Variants in ZC3H12A observed in about 807,000 individuals in gnomAD.
ZC3H12A encodes the protein zinc finger CCCH-type containing 12A.
In ZC3H12A, 9 loss-of-function variants were observed where a neutral mutation model predicts 29.9. The observed-to-expected ratio is 0.30, with a 90% CI of 0.18 to 0.53. ZC3H12A has a LOEUF of 0.53. ZC3H12A is among the 20% of genes least tolerant of loss of function. ZC3H12A has a pLI of 0.96. For missense variants in ZC3H12A, 617 were observed against 799.0 expected, an observed-to-expected ratio of 0.77 and a Z score of 2.75; for synonymous variants, 323 against 338.1, an observed-to-expected ratio of 0.96 and a Z score of 0.49.
rs1641708947 is a variant in ZC3H12A at position 37,481,672 on chromosome 1, A to C, written c.655A>C (p.Lys219Gln). ...CACACCATCACGACGCGTGGGTGGC[A>C]AGCGGGTGGTGTGCTATGACGACAG... ...VFTPSRRVGGKRVVCYDDRFI... is the reference protein window; with the variant it reads ...VFTPSRRVGGQRVVCYDDRFI... Residue 219 changes from lysine (K) to glutamine (Q), a missense_variant, in exon 4 of 6, where the codon AAG becomes CAG. By Grantham distance (53) the Lys-to-Gln change is moderately conservative. Around this residue, in one of 5 missense-constraint regions of ZC3H12A, gnomAD observed 255 missense variants for 402.5 expected, o/e 0.63. Coordinates refer to ENST00000373087, the MANE Select transcript of ZC3H12A (RefSeq NM_025079.3). 6.2e-7 allele frequency: 1 copy of C among 1,614,124 alleles called. No homozygotes were observed. The highest frequency in any genetic ancestry group is 1.7e-5 in the Admixed American group (1 of 60,012).
At chr1:37,474,705 C>CGAGGGGAGGGGAGGGGACGG (rs1361342115) in intron 1 of ZC3H12A, 76 bp downstream of exon 1, 1 of 138,162 alleles carries the variant, frequency 7.2e-6, no homozygotes, top group African/African-American at 2.7e-5. Flanking sequence ...CGAGCCGAGC[C>CGAGGGGAGGGGAGGGGACGG]GAGGGGAGGG....
chr1:37,481,494 T>G, intron 3 of ZC3H12A, 107 bp from the exon 4 acceptor site: 1 of 1,084,214 alleles, frequency 9.2e-7, no homozygotes, highest in East Asian at 2.4e-5. Flanking sequence ...CCCGGTGACC[T>G]TGGCGTTAAC....
rs1213887023 is a variant in ZC3H12A, at chr1:37,484,028, G to A, written c.*417G>A. 6 of 175,818 alleles carry A rather than the reference G, an allele frequency of 3.4e-5. No individual in the cohort carries two copies. The highest frequency in any genetic ancestry group is 1.2e-5 in the Non-Finnish European group (1 of 82,266). The allele number at this position is 175,818 out of a possible 1,614,324, so 10.9% of individuals were successfully genotyped here. A position where few individuals can be genotyped will look rare whatever the true frequency, so the allele number is the denominator to read the frequency against. On this transcript the variant is annotated 3_prime_UTR_variant, in exon 6 of 6. Transcript: ENST00000373087. Reference sequence around the variant, plus strand: ...ACCCCTGGGACGTTGGCCTTGGCTGGCTAGTTGGGCACCGTGTGCCTGCCC... The same window carrying A: ...ACCCCTGGGACGTTGGCCTTGGCTGACTAGTTGGGCACCGTGTGCCTGCCC...
rs751349648 is a variant in ZC3H12A, at chr1:37,482,560, C to T, written c.925+20C>T. 4 of 1,612,768 alleles carry T rather than the reference C, an allele frequency of 2.5e-6. No individual in the cohort carries two copies. Among genetic ancestry groups the T allele is most frequent in the Non-Finnish European group, 3.4e-6 (4 of 1,178,808 alleles). ...CCTATGGTATGGAACCCAGCCTGCC[C>T]TCCCCGGCCCTCCTCACTCCTGCCC... On this transcript the variant is annotated intron_variant, in intron 5 of 5. Transcript: ENST00000373087.
intron 3 of ZC3H12A, among the ~76,000 whole-genome samples, chr1:37,481,233 G>C (rs1305660248): frequency 1.3e-5 from 2 of 152,240 alleles, no homozygotes; most frequent in African/African-American, 4.8e-5. Flanking sequence ...TCCCACCCCA[G>C]AGCAAGCTGC....
In ZC3H12A at chr1:37,479,481, G is replaced by A. The variant is rs1313715621; in HGVS notation, c.444-809G>A. ...CGTCTGAGACCAAGGCAGGGCCCAT[G>A]CCTTACTCAGCTGTCCTTGCTAAGA... On this transcript the variant is annotated intron_variant, in intron 2 of 5. Coordinates refer to ENST00000373087, the MANE Select transcript of ZC3H12A (RefSeq NM_025079.3). The surrounding 1 kb of genome is among the most constrained non-coding windows in gnomAD (Gnocchi z 4.5). The A allele has an allele frequency of 3.0e-6, 3 of 985,328 alleles. No individual in the cohort carries two copies. The highest frequency in any genetic ancestry group is 3.6e-6 in the Non-Finnish European group (3 of 829,930). The allele number at this position is 985,328 out of a possible 1,614,324, so 61.0% of individuals were successfully genotyped here. A position where few individuals can be genotyped will look rare whatever the true frequency, so the allele number is the denominator to read the frequency against.
rs1641667644 is a variant in ZC3H12A at position 37,479,906 on chromosome 1, C to T, written c.444-384C>T. The T allele has an allele frequency of 9.9e-7, 1 of 1,014,208 alleles. No individual in the cohort carries two copies. The highest frequency in any genetic ancestry group is 1.2e-6 in the Non-Finnish European group (1 of 847,362). 62.8% of individuals were successfully genotyped at this position (1,014,208 alleles called of 1,614,324 possible). On this transcript the variant is annotated intron_variant, in intron 2 of 5. Coordinates refer to ENST00000373087, the MANE Select transcript of ZC3H12A (RefSeq NM_025079.3). The surrounding 1 kb of genome is among the most constrained non-coding windows in gnomAD (Gnocchi z 4.5). ...GGGGCAGGAACCAGAAGTCTCGCGG[C>T]ACCTTTCCCCCACCCCCAGGTGTGT... is the stretch of plus-strand genomic sequence containing the variant.
In ZC3H12A at chr1:37,483,222, T is replaced by C. The variant is rs375616060; in HGVS notation, c.1411T>C (p.Tyr471His). 44 of 1,613,596 alleles carry C rather than the reference T, an allele frequency of 2.7e-5. No individual in the cohort carries two copies. Among genetic ancestry groups the C allele is most frequent in the Non-Finnish European group, 3.6e-5 (43 of 1,179,934 alleles). Residue 471 changes from tyrosine to histidine, a missense_variant, in exon 6 of 6, where the codon TAC becomes CAC. By Grantham distance (83) the Tyr-to-His change is moderately conservative. Coordinates refer to ENST00000373087, the MANE Select transcript of ZC3H12A (RefSeq NM_025079.3). The part of the protein sequence containing the change: ...PGPPRAPYTG[Y>H]SPYGSELPAT... ...CCCACCCCGAGCCCCTTACACGGGCTACAGTCCCTATGGATCTGAGCTCCC... is the reference window on the plus strand; with the variant it reads ...CCCACCCCGAGCCCCTTACACGGGCCACAGTCCCTATGGATCTGAGCTCCC...
Position 37,475,366 on chromosome 1 carries a change from G to A in ZC3H12A, c.-38-93G>A. On this transcript the variant is annotated intron_variant, in intron 1 of 5. Transcript: ENST00000373087. The surrounding 1 kb of genome is among the most constrained non-coding windows in gnomAD (Gnocchi z 5.2). ...AACTAATAACACGATGCAGTGTGTA[G>A]TGCCACCAATCCCTCATCCTGCTGG... 1.0e-6 allele frequency: 1 copy of A among 985,768 alleles called. No individual in the cohort carries two copies. 61.1% of individuals were successfully genotyped at this position (985,768 alleles called of 1,614,324 possible). A position where few individuals can be genotyped will look rare whatever the true frequency, so the allele number is the denominator to read the frequency against.
rs1449512932 is a variant in ZC3H12A, at chr1:37,479,572, T to C, written c.444-718T>C. ...GAAGAGGCATTTGGGGGAATTGCCA[T>C]CTTGGGAGGAAAAGCAGTATCCTTT... On this transcript the variant is annotated intron_variant, in intron 2 of 5. Coordinates refer to ENST00000373087, the MANE Select transcript of ZC3H12A (RefSeq NM_025079.3). This position sits in a 1 kb window ranked among gnomAD's most constrained non-coding sequence, Gnocchi z 4.5. 14 of 985,408 alleles carry C rather than the reference T, an allele frequency of 1.4e-5. No homozygotes were observed. Among genetic ancestry groups the C allele is most frequent in the Non-Finnish European group, 1.6e-5 (13 of 829,928 alleles). 61.0% of individuals were successfully genotyped at this position (985,408 alleles called of 1,614,324 possible). A position where few individuals can be genotyped will look rare whatever the true frequency, so the allele number is the denominator to read the frequency against.
rs945792063 is a variant in ZC3H12A at position 37,478,323 on chromosome 1, C to T, written c.444-1967C>T. Among the ~76,000 whole-genome samples the T allele has an allele frequency of 6.6e-6, 1 of 152,216 alleles. No homozygotes were observed. The highest frequency in any genetic ancestry group is 2.4e-5 in the African/African-American group (1 of 41,442). The stretch of plus-strand genomic sequence containing the variant: ...TGCCAGCAGCATTGTTTCTCCCGTT[C>T]GCCACCTGTCTCTCATAACACACTT... On this transcript the variant is annotated intron_variant, in intron 2 of 5. Coordinates refer to ENST00000373087, the MANE Select transcript of ZC3H12A (RefSeq NM_025079.3). The surrounding 1 kb of genome is among the most constrained non-coding windows in gnomAD (Gnocchi z 5.2).
In ZC3H12A at chr1:37,482,520, G is replaced by A. The variant is rs747380200; in HGVS notation, c.905G>A (p.Arg302Lys). Residue 302 changes from arginine (R) to lysine (K), a missense_variant, in exon 5 of 6, where the codon AGG becomes AAG. Physicochemically the swap from Arg to Lys is conservative, Grantham distance 26. This residue lies in a region of ZC3H12A where 255 missense variants were observed against 402.5 expected (regional missense o/e 0.63). Transcript: ENST00000373087. ...AAGAAGCCACTCACTTTGGAGCACA[G>A]GAAGCAGCCGTGTCCCTATGGTATG... ...LRKKPLTLEH[R>K]KQPCPYGRKC... 5 of 1,614,104 alleles carry A rather than the reference G, an allele frequency of 3.1e-6. No individual in the cohort carries two copies. Among genetic ancestry groups the A allele is most frequent in the Non-Finnish European group, 4.2e-6 (5 of 1,180,006 alleles).
chr1:37,480,145 G>A (rs1054191044), intron 2 of ZC3H12A, 145 bp from the exon 3 acceptor site: 18 of 1,391,874 alleles, frequency 1.3e-5, no homozygotes, highest in Non-Finnish European at 1.6e-5. Flanking sequence ...GAAGGGGCTG[G>A]TGACTCCAAA....
chr1:37,481,420 A>G (rs1161525736), intron 3 of ZC3H12A, among the ~76,000 whole-genome samples, 181 bp from the exon 4 acceptor site: 1 of 150,936 alleles, frequency 6.6e-6, no homozygotes, highest in Non-Finnish European at 1.5e-5. Flanking sequence ...TTCAGGCAGC[A>G]AACTGTGCCA....
chr1:37,475,604 A>G lies in ZC3H12A; in HGVS notation c.108A>G (p.Gln36=). 6.2e-7 allele frequency: 1 copy of G among 1,614,098 alleles called. No homozygotes were observed. The highest frequency in any genetic ancestry group is 8.5e-7 in the Non-Finnish European group (1 of 1,180,054). ...GTCAGGGCACCCCAAGGCCGGGTCA[A>G]GAGCTGGCCGCTGAGGAGGCCTCGG... The part of the protein sequence containing the change: ...HSRQGTPRPG[Q]ELAAEEASAL... Residue 36 remains glutamine (Q), a synonymous_variant, in exon 2 of 6, where the codon CAA becomes CAG. Coordinates refer to ENST00000373087, the MANE Select transcript of ZC3H12A (RefSeq NM_025079.3). The surrounding 1 kb of genome is among the most constrained non-coding windows in gnomAD (Gnocchi z 5.2).
At position 37,477,479 on chromosome 1, in the gene ZC3H12A, G is replaced by C. The variant is rs535537450; in HGVS notation, c.443+1540G>C. Among the ~76,000 whole-genome samples, 411 of 152,180 alleles carry C rather than the reference G, an allele frequency of 2.7e-3. 2 individuals carry two copies. Among genetic ancestry groups the C allele is most frequent in the African/African-American group, 7.1e-3 (297 of 41,544 alleles). On this transcript the variant is annotated intron_variant, in intron 2 of 5. Coordinates refer to ENST00000373087, the MANE Select transcript of ZC3H12A (RefSeq NM_025079.3). ...CTCAGCTGCTACTCGGTTCCTGCCCGGCCACCCCCCCTCCCCAGGGGCAGG... is the reference window on the plus strand; with the variant it reads ...CTCAGCTGCTACTCGGTTCCTGCCCCGCCACCCCCCCTCCCCAGGGGCAGG...
chr1:37,477,858 G>T (rs1297388216), intron 2 of ZC3H12A, among the ~76,000 whole-genome samples: 1 of 152,212 alleles, frequency 6.6e-6, no homozygotes, highest in Non-Finnish European at 1.5e-5. Context: ...GCTCTACCAG[G>T]AGGAGGGCTC....
At position 37,483,162 on chromosome 1, in the gene ZC3H12A, T is replaced by TG; in HGVS notation, c.1357dup (p.Val453GlyfsTer8). On this transcript the variant is annotated frameshift_variant, in exon 6 of 6. Coordinates refer to ENST00000373087, the MANE Select transcript of ZC3H12A (RefSeq NM_025079.3). LOFTEE classifies it low-confidence loss of function (END_TRUNC). ...CCTGGAGAGCCAGATGTCGGAACTT[T>TG]GGGGGGTTCGAGGAGGAGGCCCTGG... 2 of 1,613,468 alleles carry TG rather than the reference T, an allele frequency of 1.2e-6. No individual in the cohort carries two copies.
At position 37,475,611 on chromosome 1, in the gene ZC3H12A, G is replaced by A; in HGVS notation, c.115G>A (p.Ala39Thr). 6.2e-7 allele frequency: 1 copy of A among 1,614,082 alleles called. No individual in the cohort carries two copies. The highest frequency in any genetic ancestry group is 1.1e-5 in the South Asian group (1 of 91,080). ...CACCCCAAGGCCGGGTCAAGAGCTG[G>A]CCGCTGAGGAGGCCTCGGCCCTGGA... is the stretch of plus-strand genomic sequence containing the variant. ...QGTPRPGQELAAEEASALELQ... is the reference protein window; with the variant it reads ...QGTPRPGQELTAEEASALELQ... Residue 39 changes from alanine (A) to threonine (T), a missense_variant, in exon 2 of 6, where the codon GCC becomes ACC. Physicochemically the swap from Ala to Thr is moderately conservative, Grantham distance 58 (BLOSUM62 0). This residue lies in a region of ZC3H12A where 67 missense variants were observed against 56.2 expected (regional missense o/e 1.19). Transcript: ENST00000373087. This position sits in a 1 kb window ranked among gnomAD's most constrained non-coding sequence, Gnocchi z 5.2.
Sources: gnomAD v4.1 joint callset for allele counts (sites outside exome capture counted in the v4.1 genomes callset) on GRCh38, gnomAD v4.1.1 for gene constraint, gnomAD v4.1.1 regional missense constraint, Gnocchi (gnomAD v3.1) non-coding constraint, MANE v1.5 for transcripts, NCBI Gene and HGNC (gene_info 2026-07-23, HGNC 2026-07-21) for gene names.